Variants in HEXB observed in about 807,000 individuals in gnomAD.
The protein encoded by HEXB is beta-hexosaminidase subunit beta.
HEXB carries 51 observed loss-of-function variants against 71.2 expected under a neutral mutation model. The ratio of observed to expected loss-of-function variants is 0.72; its 90% confidence interval spans 0.57 to 0.90. The LOEUF is 0.90. HEXB is among the 40% of genes least tolerant of loss of function. The probability of loss-of-function intolerance (pLI) is 0.00; values close to 1 mark genes in which losing one functional copy is unlikely to be tolerated. For synonymous variants in HEXB, 266 were observed against 249.3 expected, an observed-to-expected ratio of 1.07 and a Z score of -0.63; for missense variants, 617 against 677.0, an observed-to-expected ratio of 0.91 and a Z score of 0.98.
chr5:74,646,963 C>T (rs1748013045), intron 1 of HEXB, among the ~76,000 whole-genome samples: 1 of 152,174 alleles, frequency 6.6e-6, no homozygotes, highest in Non-Finnish European at 1.5e-5. Context: ...AAATAGCTAG[C>T]TATATTTAGA....
At chr5:74,685,130 G>T (rs1397532884), upstream of HEXB, 18 of 959,918 alleles carry the variant, frequency 1.9e-5, no homozygotes, top group Admixed American at 4.1e-5. Context: ...AGGCGGAGTC[G>T]GGGGCGGGCG....
chr5:74,677,481 C>T (rs76868710), intron 1 of HEXB, among the ~76,000 whole-genome samples: 18,464 of 133,738 alleles, frequency 0.14, 953 homozygotes, highest in East Asian at 0.24. Flanking sequence ...CATTTCTTTT[C>T]TTCTTCTTCT....
upstream of HEXB, among the ~76,000 whole-genome samples, chr5:74,681,901 T>C (rs1748744880): frequency 6.6e-6 from 1 of 152,254 alleles, no homozygotes; most frequent in East Asian, 1.9e-4. Context: ...AAGATTACGC[T>C]ATATAAAGGC....
rs556515459 is a variant in HEXB, at chr5:74,650,160, A to T, written c.-377+9602A>T. ...GTCTTTATATAGGACAATGGTTTAC[A>T]GATGCAAAGCATGCTGTCAGTGAGC... On this transcript the variant is annotated intron_variant, in intron 1 of 13. Transcript: ENST00000511181. Among the ~76,000 whole-genome samples the T allele has an allele frequency of 6.6e-4, 101 of 152,380 alleles. No individual in the cohort carries two copies. In the Middle Eastern group the frequency reaches 0.014, roughly 21 times the overall value.
At chr5:74,658,590 G>A (rs552129419) in intron 1 of HEXB, among the ~76,000 whole-genome samples, 19 of 152,148 alleles carry the variant, frequency 1.2e-4, no homozygotes, top group African/African-American at 2.6e-4. Flanking sequence ...TCTCGGGGCC[G>A]CAATAAAACT....
intron 1 of HEXB, among the ~76,000 whole-genome samples, chr5:74,688,006 T>C (rs750840001): frequency 1.5e-4 from 23 of 152,218 alleles, no homozygotes; most frequent in Non-Finnish European, 2.9e-4. Flanking sequence ...CTTTTTTATT[T>C]AGTGCCTTTA....
chr5:74,677,395 A>C (rs11750747), intron 1 of HEXB, among the ~76,000 whole-genome samples: 1 of 152,040 alleles, frequency 6.6e-6, no homozygotes, highest in African/African-American at 2.4e-5. Flanking sequence ...GTAAAGGAGA[A>C]ATATGATAAA....
chr5:74,666,835 G>C (rs1748440628), intron 1 of HEXB, among the ~76,000 whole-genome samples: 1 of 152,140 alleles, frequency 6.6e-6, no homozygotes, highest in African/African-American at 2.4e-5. Context: ...TATAGAGAGA[G>C]AGAACACACA....
chr5:74,720,431 C>T lies in HEXB; in HGVS notation c.1421C>T (p.Thr474Ile). Residue 474 changes from threonine (T) to isoleucine (I), a missense_variant, in exon 12 of 14, where the codon ACT (threonine) becomes ATT (isoleucine). Coordinates refer to ENST00000261416, the MANE Select transcript of HEXB (RefSeq NM_000521.4). ...YKVEPLDFGGTQKQKQLFIGG... is the reference protein window; with the variant it reads ...YKVEPLDFGGIQKQKQLFIGG... ...TAATTCAATGATTTTAATTTAGGTA[C>T]TCAGAAACAGAAACAACTTTTCATT... is the stretch of plus-strand genomic sequence containing the variant. The T allele has an allele frequency of 6.2e-7, 1 of 1,604,422 alleles. No homozygotes were observed.
At chr5:74,690,870 T>C (rs1474939730) in intron 2 of HEXB, among the ~76,000 whole-genome samples, 2 of 152,006 alleles carry the variant, frequency 1.3e-5, no homozygotes, top group Non-Finnish European at 2.9e-5. Flanking sequence ...AGAAGAGAAA[T>C]AGGAAAATTC....
At chr5:74,713,802 T>TA (rs1749611219) in intron 7 of HEXB, among the ~76,000 whole-genome samples, 167 bp downstream of exon 7, 1 of 152,202 alleles carries the variant, frequency 6.6e-6, no homozygotes, top group Non-Finnish European at 1.5e-5. Flanking sequence ...TAGCTGAGAC[T>TA]ACAGGCATGC....
chr5:74,654,237 T>A (rs1185833048), intron 1 of HEXB, among the ~76,000 whole-genome samples: 1 of 152,042 alleles, frequency 6.6e-6, no homozygotes, highest in Non-Finnish European at 1.5e-5. Flanking sequence ...TCTCAAACTT[T>A]AATGTGCACA....
chr5:74,716,808 C>T (rs373916497), intron 9 of HEXB, 135 bp downstream of exon 9: 6 of 602,824 alleles, frequency 1.0e-5, no homozygotes, highest in East Asian at 6.1e-5. Flanking sequence ...GGAGGCAATA[C>T]CCACTGCTTG....
intron 3 of HEXB, among the ~76,000 whole-genome samples, chr5:74,694,628 G>A (rs768853631): frequency 5.3e-5 from 8 of 151,980 alleles, no homozygotes; most frequent in Non-Finnish European, 1.0e-4. Flanking sequence ...TTTTTAGAAA[G>A]GGAATTTAAA....
intron 1 of HEXB, among the ~76,000 whole-genome samples, chr5:74,675,801 G>A (rs950919433): frequency 1.1e-4 from 17 of 152,166 alleles, no homozygotes; most frequent in African/African-American, 4.1e-4. Flanking sequence ...GACTGGGGTC[G>A]GGGGGTGAGG....
At chr5:74,665,437 T>G (rs1041839092) in intron 1 of HEXB, among the ~76,000 whole-genome samples, 1 of 149,492 alleles carries the variant, frequency 6.7e-6, no homozygotes, top group Non-Finnish European at 1.5e-5. Flanking sequence ...TGTGTGTGTG[T>G]AGGAGGAGGA....
upstream of HEXB, among the ~76,000 whole-genome samples, chr5:74,684,173 A>T (rs1250803949): frequency 2.6e-5 from 4 of 152,168 alleles, no homozygotes; most frequent in Non-Finnish European, 5.9e-5. Flanking sequence ...CCTCATTTTC[A>T]GAATACTTAT....
At chr5:74,663,192 G>A (rs1382002602) in intron 1 of HEXB, among the ~76,000 whole-genome samples, 1 of 91,448 alleles carries the variant, frequency 1.1e-5, no homozygotes, top group Non-Finnish European at 2.0e-5. Context: ...CCTTTTTTTT[G>A]GGGGGGTGGA....
intron 1 of HEXB, among the ~76,000 whole-genome samples, chr5:74,654,742 A>T (rs932767132): frequency 2.0e-5 from 3 of 152,136 alleles, no homozygotes; most frequent in Non-Finnish European, 2.9e-5. Flanking sequence ...GAAAGACATA[A>T]TCGAGTATTT....
Sources: allele counts gnomAD v4.1 joint callset (sites outside exome capture counted in the v4.1 genomes callset), GRCh38; gene constraint gnomAD v4.1.1; transcripts MANE v1.5; gene names NCBI Gene and HGNC (gene_info 2026-07-23, HGNC 2026-07-21).